Variants in SMG6 observed in about 807,000 individuals in gnomAD.
SMG6 encodes the protein telomerase-binding protein EST1A.
A neutral mutation model predicts 142.2 loss-of-function variants in SMG6; 66 were observed. The observed-to-expected ratio is 0.46, with a 90% CI of 0.38 to 0.57. The LOEUF (loss-of-function observed/expected upper bound fraction) is 0.57, where lower values mean the gene tolerates loss of function less well. Among genes scored for constraint, SMG6 ranks in the 20% least tolerant of loss-of-function variants. SMG6 has a pLI of 0.00. For missense variants in SMG6, 1,793 were observed against 1,832.0 expected (o/e 0.98, Z 0.39); for synonymous variants, 779 against 702.4 (o/e 1.11, Z -1.72).
chr17:2,242,689 T>TAAAAAAAAAAAA (rs57079220), intron 9 of SMG6, among the ~76,000 whole-genome samples: 13 of 55,850 alleles, frequency 2.3e-4, no homozygotes, highest in African/African-American at 6.9e-4. Context: ...TCCATCTCTT[T>TAAAAAAAAAAAA]AAAAAAAAAA....
intron 15 of SMG6, among the ~76,000 whole-genome samples, chr17:2,074,619 A>G (rs966385118): frequency 2.0e-5 from 3 of 152,214 alleles, no homozygotes; most frequent in Non-Finnish European, 2.9e-5. Flanking sequence ...AGGAGGACTC[A>G]TCTTATTTTC....
chr17:2,235,306 G>C (rs1303399252), intron 10 of SMG6, among the ~76,000 whole-genome samples: 4 of 152,264 alleles, frequency 2.6e-5, no homozygotes, highest in African/African-American at 9.6e-5. Context: ...AGCATGAGAG[G>C]AGGAAATCCT....
chr17:2,175,794 C>A (rs1385347625), intron 12 of SMG6, among the ~76,000 whole-genome samples: 1 of 152,194 alleles, frequency 6.6e-6, no homozygotes, highest in Non-Finnish European at 1.5e-5. Flanking sequence ...CAAGGAAATA[C>A]ACAAAATGCT....
At chr17:2,295,752 GACC>G (rs1459935360) in intron 4 of SMG6, among the ~76,000 whole-genome samples, 1 of 152,088 alleles carries the variant, frequency 6.6e-6, no homozygotes, top group Non-Finnish European at 1.5e-5. Context: ...CCTCCAGAGA[GACC>G]ACAATATTCA....
chr17:2,180,514 C>A (rs751983726), intron 12 of SMG6, among the ~76,000 whole-genome samples: 22 of 152,180 alleles, frequency 1.4e-4, no homozygotes, highest in Non-Finnish European at 2.6e-4. Context: ...AGCAATCCTG[C>A]CCTCATCACT....
chr17:2,276,118 T>C (rs2074642985), intron 8 of SMG6, among the ~76,000 whole-genome samples: 1 of 152,244 alleles, frequency 6.6e-6, no homozygotes, highest in African/African-American at 2.4e-5. Context: ...TCTGCTATAA[T>C]GTTCATTTTG....
At chr17:2,164,064 A>T (rs188998638) in intron 13 of SMG6, among the ~76,000 whole-genome samples, 2 of 151,602 alleles carry the variant, frequency 1.3e-5, no homozygotes, top group Admixed American at 1.3e-4. Flanking sequence ...TCTGTCTCAG[A>T]AAACAAGGAC....
chr17:2,216,395 G>T (rs557860491), intron 10 of SMG6, among the ~76,000 whole-genome samples: 3 of 152,178 alleles, frequency 2.0e-5, no homozygotes, highest in Non-Finnish European at 4.4e-5. Context: ...GATTTAAACC[G>T]TGATTTCTCA....
rs1039606025 is a variant in SMG6, at chr17:2,071,664, C to T, written c.3682-2733G>A. ...CACCAAACAACTGCTTCCTGTTCCC[C>T]GCATGCCCTCATGGAGTCTCAGGAG... On this transcript the variant is annotated intron_variant, in intron 15 of 18. Coordinates refer to ENST00000263073, the MANE Select transcript of SMG6 (RefSeq NM_017575.5). This position sits in a 1 kb window ranked among gnomAD's most constrained non-coding sequence, Gnocchi z 5.6. Among the ~76,000 whole-genome samples, 7 of 152,162 alleles carry T rather than the reference C, an allele frequency of 4.6e-5. No homozygotes were observed. Among genetic ancestry groups the T allele is most frequent in the Non-Finnish European group, 8.8e-5 (6 of 68,036 alleles).
intron 13 of SMG6, among the ~76,000 whole-genome samples, chr17:2,107,023 T>G (rs560300835): frequency 6.6e-6 from 1 of 152,198 alleles, no homozygotes; most frequent in Admixed American, 6.5e-5. Flanking sequence ...GTTTAGTATT[T>G]CAGTACTTAG....
At chr17:2,173,140 G>C in intron 12 of SMG6, 1 of 427,260 alleles carries the variant, frequency 2.3e-6, no homozygotes, top group South Asian at 2.3e-5. Flanking sequence ...CCTAATGCAG[G>C]GTCCTGTCAT....
At chr17:2,302,312 G>C (rs565706555) in intron 1 of SMG6, among the ~76,000 whole-genome samples, 1 of 152,214 alleles carries the variant, frequency 6.6e-6, no homozygotes, top group Admixed American at 6.5e-5. Context: ...GGGAGGCCAA[G>C]GCGGGCGGAT....
In SMG6 at chr17:2,087,540, T is replaced by C. The variant is rs560872391; in HGVS notation, c.3358-1639A>G. On this transcript the variant is annotated intron_variant, in intron 13 of 18. Transcript: ENST00000263073. ...ACCACCTTCACCTGAGAGGTTGATG[T>C]AGAAGGTTCTCGGCTACCCAGAAGG... 7.5e-5 allele frequency: 77 copies of C among 1,026,162 alleles called. No individual in the cohort carries two copies. The South Asian group carries it at 1.8e-3, about 24-fold the overall frequency. The allele number at this position is 1,026,162 out of a possible 1,614,324, so 63.6% of individuals were successfully genotyped here. A position where few individuals can be genotyped will look rare whatever the true frequency, so the allele number is the denominator to read the frequency against.
intron 13 of SMG6, among the ~76,000 whole-genome samples, chr17:2,121,980 C>T (rs1267343083): frequency 6.6e-6 from 1 of 152,030 alleles, no homozygotes; most frequent in Non-Finnish European, 1.5e-5. Flanking sequence ...ATTATAGGTG[C>T]CCGTCACCAC....
chr17:2,284,248 G>C (rs756022484), intron 6 of SMG6, among the ~76,000 whole-genome samples: 1 of 152,074 alleles, frequency 6.6e-6, no homozygotes, highest in Non-Finnish European at 1.5e-5. Context: ...CATTACAATG[G>C]GAGTAATAAT....
At chr17:2,110,262 G>A (rs577406772) in intron 13 of SMG6, among the ~76,000 whole-genome samples, 8 of 152,126 alleles carry the variant, frequency 5.3e-5, no homozygotes, top group South Asian at 2.1e-4. Flanking sequence ...GTAACGTGGA[G>A]TTCAGAAACA....
At chr17:2,217,566 A>C (rs1240103756) in intron 10 of SMG6, among the ~76,000 whole-genome samples, 3 of 151,892 alleles carry the variant, frequency 2.0e-5, no homozygotes, top group Admixed American at 2.0e-4. Context: ...CCATCTTTAC[A>C]CTTCTCTCTG....
At chr17:2,183,021 C>A (rs2071855113) in intron 12 of SMG6, among the ~76,000 whole-genome samples, 1 of 152,096 alleles carries the variant, frequency 6.6e-6, no homozygotes, top group South Asian at 2.1e-4. Flanking sequence ...CCCAGGAGAT[C>A]AAGGCCAACT....
At chr17:2,243,213 G>A (rs2073852663) in intron 9 of SMG6, among the ~76,000 whole-genome samples, 1 of 152,174 alleles carries the variant, frequency 6.6e-6, no homozygotes, top group African/African-American at 2.4e-5. Flanking sequence ...TGCTTGCAAT[G>A]ACCATCACTA....
Sources: allele counts gnomAD v4.1 joint callset (sites outside exome capture counted in the v4.1 genomes callset), GRCh38; gene constraint gnomAD v4.1.1; non-coding constraint Gnocchi (gnomAD v3.1); transcripts MANE v1.5; gene names NCBI Gene and HGNC (gene_info 2026-07-23, HGNC 2026-07-21).